SLCO3A1: variants seen among roughly 807,000 people sequenced by gnomAD.
The protein encoded by SLCO3A1 is solute carrier organic anion transporter family member 3A1, also known as PGE1 transporter.
Under a neutral mutation model 63.1 loss-of-function variants are expected in SLCO3A1, and 27 were observed. The ratio of observed to expected loss-of-function variants is 0.43; its 90% CI spans 0.32 to 0.59. The LOEUF is 0.59. Among genes scored for constraint, SLCO3A1 ranks in the 20% least tolerant of loss-of-function variants. SLCO3A1 has a pLI of 0.09. For synonymous variants in SLCO3A1, 473 were observed against 409.9 expected (o/e 1.15, Z -1.86); for missense variants, 773 against 945.8 (o/e 0.82, Z 2.40).
chr15:92,119,602 G>A (rs2047836920), intron 4 of SLCO3A1, among the ~76,000 whole-genome samples: 1 of 152,218 alleles, frequency 6.6e-6, no homozygotes, highest in Non-Finnish European at 1.5e-5. Flanking sequence ...ACCTGGGTGG[G>A]GTGGACCTGG....
chr15:91,977,324 G>A (rs1901155320), intron 2 of SLCO3A1, among the ~76,000 whole-genome samples: 1 of 152,132 alleles, frequency 6.6e-6, no homozygotes, highest in Admixed American at 6.5e-5. Context: ...GTATCCTCAT[G>A]GCTCATTGAG....
rs1026305592 is a variant in SLCO3A1, at chr15:91,942,423, C to G, written c.646+25965C>G. On this transcript the variant is annotated intron_variant, in intron 2 of 9. Transcript: ENST00000318445. The surrounding 1 kb of genome is among the most constrained non-coding windows in gnomAD (Gnocchi z 4.1). ...AGGTAAAACATGCCATTTAGCAGTGCTACTATGGCACAACTGCAGGGGGCA... is the reference window on the plus strand; with the variant it reads ...AGGTAAAACATGCCATTTAGCAGTGGTACTATGGCACAACTGCAGGGGGCA... Among the ~76,000 whole-genome samples the G allele has an allele frequency of 1.3e-5, 2 of 152,146 alleles. No homozygotes were observed. Among genetic ancestry groups the G allele is most frequent in the Admixed American group, 1.3e-4 (2 of 15,282 alleles).
At chr15:92,171,626 G>C (rs1375636039) in intron 10 of SLCO3A1, 1 of 620,014 alleles carries the variant, frequency 1.6e-6, no homozygotes, top group Non-Finnish European at 2.9e-6. Flanking sequence ...GGGTTACATG[G>C]AATGAAACCC....
At chr15:91,960,734 A>T (rs1430126592) in intron 2 of SLCO3A1, among the ~76,000 whole-genome samples, 1 of 152,106 alleles carries the variant, frequency 6.6e-6, no homozygotes, top group Admixed American at 6.5e-5. Flanking sequence ...GTTGTCTCTT[A>T]TCCAAAATGC....
chr15:91,947,478 T>C (rs1899848712), intron 2 of SLCO3A1, among the ~76,000 whole-genome samples: 1 of 152,204 alleles, frequency 6.6e-6, no homozygotes, highest in African/African-American at 2.4e-5. Context: ...CTTCCCTTTT[T>C]TCTCTGCTCT....
At chr15:91,879,999 G>A (rs1263504649) in intron 1 of SLCO3A1, among the ~76,000 whole-genome samples, 1 of 152,154 alleles carries the variant, frequency 6.6e-6, no homozygotes, top group African/African-American at 2.4e-5. Context: ...TGTGCAGAAT[G>A]TCTGAATGAA....
chr15:91,958,823 A>C (rs1277429266), intron 2 of SLCO3A1, among the ~76,000 whole-genome samples: 1 of 152,132 alleles, frequency 6.6e-6, no homozygotes, highest in Non-Finnish European at 1.5e-5. Flanking sequence ...TGCTAGCGGG[A>C]ATGTAAGTTA....
chr15:92,106,175 T>C (rs931092920), intron 4 of SLCO3A1, among the ~76,000 whole-genome samples: 1 of 152,162 alleles, frequency 6.6e-6, no homozygotes, highest in African/African-American at 2.4e-5. Flanking sequence ...AAGAGACAAA[T>C]TTAATATCGT....
At chr15:92,086,322 G>T (rs534869060) in intron 2 of SLCO3A1, among the ~76,000 whole-genome samples, 2 of 152,244 alleles carry the variant, frequency 1.3e-5, no homozygotes, top group East Asian at 1.9e-4. Context: ...AAACACACTC[G>T]TATTTAATTG....
At chr15:92,096,978 G>A (rs61675342) in intron 3 of SLCO3A1, among the ~76,000 whole-genome samples, 4 of 152,210 alleles carry the variant, frequency 2.6e-5, no homozygotes, top group South Asian at 2.1e-4. Flanking sequence ...CATCTTGCTC[G>A]TATAGACAGG....
rs114351199 is a variant in SLCO3A1, at chr15:92,159,813, G to A, written c.1754-2943G>A. Reference sequence around the variant, plus strand: ...TATGCCCTACTTAGAAGACAACCAAGTATTATAAGAATTCTCACTCAGGTA... The same window carrying A: ...TATGCCCTACTTAGAAGACAACCAAATATTATAAGAATTCTCACTCAGGTA... On this transcript the variant is annotated intron_variant, in intron 9 of 9. Transcript: ENST00000318445. Among the ~76,000 whole-genome samples, 715 of 152,270 alleles carry A rather than the reference G, an allele frequency of 4.7e-3. 9 individuals carry two copies. The highest frequency in any genetic ancestry group is 0.016 in the African/African-American group (678 of 41,544).
intron 1 of SLCO3A1, among the ~76,000 whole-genome samples, chr15:91,881,044 G>A (rs190115986): frequency 6.6e-6 from 1 of 152,284 alleles, no homozygotes; most frequent in African/African-American, 2.4e-5. Flanking sequence ...TTGGGTGGAG[G>A]CTCTGTGTGC....
At chr15:92,008,698 A>G (rs151259032) in intron 2 of SLCO3A1, among the ~76,000 whole-genome samples, 1 of 152,370 alleles carries the variant, frequency 6.6e-6, no homozygotes, top group African/African-American at 2.4e-5. Flanking sequence ...AGAGATAGGT[A>G]TAAGTTGTTT....
intron 2 of SLCO3A1, among the ~76,000 whole-genome samples, chr15:91,981,528 C>T (rs1030734198): frequency 1.3e-5 from 2 of 152,110 alleles, no homozygotes; most frequent in Admixed American, 6.5e-5. Context: ...CAGAGTGCTT[C>T]CTACCTGTGC....
intron 2 of SLCO3A1, among the ~76,000 whole-genome samples, chr15:92,051,768 C>T (rs915818988): frequency 6.6e-6 from 1 of 152,188 alleles, no homozygotes; most frequent in Admixed American, 6.5e-5. Context: ...CAGATTAACT[C>T]TTCAAAGAAG....
At position 91,942,306 on chromosome 15, in the gene SLCO3A1, A is replaced by G. The variant is rs1452155627; in HGVS notation, c.646+25848A>G. On this transcript the variant is annotated intron_variant, in intron 2 of 9. Transcript: ENST00000318445. The surrounding 1 kb of genome is among the most constrained non-coding windows in gnomAD (Gnocchi z 4.1). ...TAGCAGGCATTTCAGAGCCTCCAGG[A>G]CTTGATTAGATATTGTTACACAGTG... 6.6e-6 allele frequency among the ~76,000 whole-genome samples: 1 copy of G among 152,176 alleles called. No individual in the cohort carries two copies. Among genetic ancestry groups the G allele is most frequent in the African/African-American group, 2.4e-5 (1 of 41,448 alleles).
chr15:91,916,785 T>C lies in SLCO3A1; in HGVS notation c.646+327T>C, dbSNP rs1468237287. ...TATGTGGACTTTGGGCTTTCTGATATTAGCCACCAAGGTATACTTGGGGTC... is the reference window on the plus strand; with the variant it reads ...TATGTGGACTTTGGGCTTTCTGATACTAGCCACCAAGGTATACTTGGGGTC... On this transcript the variant is annotated intron_variant, in intron 2 of 9. Transcript: ENST00000318445. This position sits in a 1 kb window ranked among gnomAD's most constrained non-coding sequence, Gnocchi z 6.2. Among the ~76,000 whole-genome samples the C allele has an allele frequency of 6.6e-6, 1 of 152,214 alleles. No individual in the cohort carries two copies. The highest frequency in any genetic ancestry group is 1.5e-5 in the Non-Finnish European group (1 of 68,040).
At chr15:92,170,133 T>G (rs771395955), downstream of SLCO3A1, among the ~76,000 whole-genome samples, 8 of 152,232 alleles carry the variant, frequency 5.3e-5, no homozygotes, top group Non-Finnish European at 7.3e-5. Context: ...TATAGAAGAT[T>G]CTCACACTAA....
chr15:91,905,458 A>G lies in SLCO3A1; in HGVS notation c.181-10535A>G, dbSNP rs560003830. Among the ~76,000 whole-genome samples the G allele has an allele frequency of 2.8e-4, 43 of 152,328 alleles. No individual in the cohort carries two copies. The South Asian group carries it at 8.9e-3, about 32-fold the overall frequency. On this transcript the variant is annotated intron_variant, in intron 1 of 9. Coordinates refer to ENST00000318445, the MANE Select transcript of SLCO3A1 (RefSeq NM_013272.4). ...CTAGATTTCTTGTGATACCTAATGC[A>G]GTATAAATGGTTCTTATACTATTGG...
Sources: allele counts gnomAD v4.1 joint callset (sites outside exome capture counted in the v4.1 genomes callset), GRCh38; gene constraint gnomAD v4.1.1; non-coding constraint Gnocchi (gnomAD v3.1); transcripts MANE v1.5; gene names NCBI Gene and HGNC (gene_info 2026-07-23, HGNC 2026-07-21).